The following EDARADD variants were observed in gnomAD, a reference collection of about 807,000 sequenced individuals.
EDARADD encodes EDAR associated via death domain, also known as ectodysplasin-A receptor-associated adapter protein.
In EDARADD, 20 loss-of-function variants were observed where a neutral mutation model predicts 25.6. The ratio of observed to expected loss-of-function variants is 0.78; its 90% CI spans 0.55 to 1.14. The LOEUF (loss-of-function observed/expected upper bound fraction) is 1.14. Ranked by LOEUF, EDARADD falls within the 50% of genes most tolerant of loss-of-function variation. EDARADD has a pLI of 0.00. For missense variants in EDARADD, 225 were observed against 270.1 expected, an observed-to-expected ratio of 0.83 and a Z score of 1.17; for synonymous variants, 86 against 94.4, an observed-to-expected ratio of 0.91 and a Z score of 0.52.
chr1:236,432,314 G>C (rs947991758), intron 4 of EDARADD, among the ~76,000 whole-genome samples: 2 of 151,942 alleles, frequency 1.3e-5, no homozygotes, highest in Admixed American at 1.3e-4. Context: ...GCTTAAACCT[G>C]GGAAGCAGAG....
intron 4 of EDARADD, among the ~76,000 whole-genome samples, chr1:236,463,073 C>A (rs1313289298): frequency 6.6e-6 from 1 of 152,084 alleles, no homozygotes. Flanking sequence ...CATTTAAAAT[C>A]ATAGATTAAT....
intron 1 of EDARADD, among the ~76,000 whole-genome samples, chr1:236,407,213 G>A (rs146320404): frequency 7.9e-5 from 12 of 152,318 alleles, no homozygotes; most frequent in Non-Finnish European, 1.6e-4. Context: ...CTGTTTCTGT[G>A]CTGGACACAG....
Position 236,452,639 on chromosome 1 carries a change from A to G in EDARADD, c.220-15592A>G, listed in dbSNP as rs567584776. Among the ~76,000 whole-genome samples the G allele has an allele frequency of 3.9e-4, 60 of 152,200 alleles. 1 individual carries two copies. Among genetic ancestry groups the G allele is most frequent in the African/African-American group, 1.4e-3 (59 of 41,528 alleles). The stretch of plus-strand genomic sequence containing the variant: ...ATTAAACCTCTTTTCTTTATAAATT[A>G]CCCAGTCTCAGGCAGTTCTTTACAG... On this transcript the variant is annotated intron_variant, in intron 4 of 5. Coordinates refer to ENST00000334232, the MANE Select transcript of EDARADD (RefSeq NM_145861.4).
intron 2 of EDARADD, among the ~76,000 whole-genome samples, chr1:236,410,344 G>A (rs115420590): frequency 0.012 from 1,884 of 152,084 alleles, 34 homozygotes; most frequent in African/African-American, 0.043. Context: ...AGAACATGCA[G>A]TATTTGATTT....
At chr1:236,464,158 C>T (rs1040891705) in intron 4 of EDARADD, among the ~76,000 whole-genome samples, 7 of 152,168 alleles carry the variant, frequency 4.6e-5, no homozygotes, top group South Asian at 2.1e-4. Flanking sequence ...GGCCACCACC[C>T]GGCTAGAACG....
intron 1 of EDARADD, among the ~76,000 whole-genome samples, chr1:236,404,981 C>G (rs1358731123): frequency 6.6e-6 from 1 of 151,990 alleles, no homozygotes; most frequent in Non-Finnish European, 1.5e-5. Flanking sequence ...GTAATCCCAG[C>G]TACTCAGGAT....
intron 5 of EDARADD, among the ~76,000 whole-genome samples, chr1:236,472,623 G>C (rs572269351): frequency 6.6e-6 from 1 of 152,236 alleles, no homozygotes; most frequent in East Asian, 1.9e-4. Context: ...CTGCCTCCTG[G>C]GCTCAAGCAA....
chr1:236,442,133 T>C (rs998604341), intron 4 of EDARADD, among the ~76,000 whole-genome samples: 5 of 151,710 alleles, frequency 3.3e-5, no homozygotes, highest in Admixed American at 6.6e-5. Context: ...TTCTTTCTTT[T>C]TTTTTTTTTT....
chr1:236,405,788 T>TC (rs1243630163), intron 1 of EDARADD, among the ~76,000 whole-genome samples: 1 of 44,742 alleles, frequency 2.2e-5, no homozygotes, highest in Non-Finnish European at 6.0e-5. Flanking sequence ...TTTCTTTCTT[T>TC]CTTTTCTTTT....
intron 4 of EDARADD, among the ~76,000 whole-genome samples, chr1:236,454,949 C>T (rs565929026): frequency 3.3e-5 from 5 of 152,278 alleles, no homozygotes; most frequent in Admixed American, 6.5e-5. Context: ...TGGTGGCTCA[C>T]GCCTGTAATC....
At chr1:236,481,052 A>T (rs1659657287) in intron 5 of EDARADD, among the ~76,000 whole-genome samples, 1 of 149,002 alleles carries the variant, frequency 6.7e-6, no homozygotes, top group African/African-American at 2.4e-5. Flanking sequence ...GAGGGCTCAT[A>T]AGGGGGCCAT....
At chr1:236,382,944 T>C (rs958441754) in intron 3 of EDARADD, among the ~76,000 whole-genome samples, 4 of 152,072 alleles carry the variant, frequency 2.6e-5, no homozygotes, top group Non-Finnish European at 5.9e-5. Flanking sequence ...ATTCTATAGA[T>C]CTCTTAGGAT....
At chr1:236,463,327 T>G (rs1273323223) in intron 4 of EDARADD, among the ~76,000 whole-genome samples, 1 of 152,230 alleles carries the variant, frequency 6.6e-6, no homozygotes, top group Non-Finnish European at 1.5e-5. Context: ...CTTTTTTAAC[T>G]CTGTCATCCA....
At chr1:236,363,927 A>T (rs1280433902) in intron 3 of EDARADD, among the ~76,000 whole-genome samples, 1 of 152,012 alleles carries the variant, frequency 6.6e-6, no homozygotes. Context: ...GCACTTCGGG[A>T]GGCCAAGGTG....
At chr1:236,368,501 C>T (rs571276951) in intron 3 of EDARADD, among the ~76,000 whole-genome samples, 171 of 140,832 alleles carry the variant, frequency 1.2e-3, no homozygotes, top group Admixed American at 2.4e-3. Flanking sequence ...AGTGCAGTGG[C>T]GCTATCTCAG....
chr1:236,429,196 G>C lies in EDARADD; in HGVS notation c.219+1746G>C, dbSNP rs528879341. 1.3e-3 allele frequency among the ~76,000 whole-genome samples: 197 copies of C among 147,512 alleles called. 2 individuals carry two copies. Among genetic ancestry groups the C allele is most frequent in the African/African-American group, 4.1e-3 (167 of 40,712 alleles). On this transcript the variant is annotated intron_variant, in intron 4 of 5. Coordinates refer to ENST00000334232, the MANE Select transcript of EDARADD (RefSeq NM_145861.4). ...GAGGGAGACTGTGCAGAGGGAGAGG[G>C]AGCGGGAGCGGGAGAGGGAGAGATT...
intron 4 of EDARADD, among the ~76,000 whole-genome samples, chr1:236,440,428 G>A (rs957555841): frequency 2.0e-5 from 3 of 151,980 alleles, no homozygotes; most frequent in African/African-American, 7.2e-5. Flanking sequence ...ATTATGATTG[G>A]GATTGCATTT....
intron 3 of EDARADD, among the ~76,000 whole-genome samples, chr1:236,358,257 C>A (rs995801587): frequency 2.0e-5 from 3 of 152,162 alleles, no homozygotes; most frequent in Non-Finnish European, 4.4e-5. Flanking sequence ...AAAGACAATT[C>A]CCTTTGCTCA....
At chr1:236,391,167 C>T (rs561255945), upstream of EDARADD, among the ~76,000 whole-genome samples, 6 of 152,090 alleles carry the variant, frequency 3.9e-5, no homozygotes, top group Non-Finnish European at 8.8e-5. Flanking sequence ...CCACGCACCT[C>T]CTCCACTCAG....
Sources: allele counts gnomAD v4.1 joint callset (sites outside exome capture counted in the v4.1 genomes callset), GRCh38; gene constraint gnomAD v4.1.1; transcripts MANE v1.5; gene names NCBI Gene and HGNC (gene_info 2026-07-23, HGNC 2026-07-21).